RUNX2: variants seen among roughly 807,000 people sequenced by gnomAD.
The protein encoded by RUNX2 is RUNX family transcription factor 2.
RUNX2 carries 10 observed loss-of-function variants against 51.7 expected under a neutral mutation model. The observed-to-expected ratio is 0.19, with a 90% CI of 0.12 to 0.33. The LOEUF is 0.33. Among genes scored for constraint, RUNX2 ranks in the 10% least tolerant of loss-of-function variants. The probability of loss-of-function intolerance (pLI) is 1.00; values close to 1 mark genes in which losing one functional copy is unlikely to be tolerated. For synonymous variants in RUNX2, 276 were observed against 273.6 expected (o/e 1.01, Z -0.09); for missense variants, 562 against 691.3 (o/e 0.81, Z 2.10).
intron 5 of RUNX2, among the ~76,000 whole-genome samples, chr6:45,463,578 T>TACTTACATTATC (rs1554391641): frequency 2.6e-5 from 4 of 152,230 alleles, no homozygotes; most frequent in African/African-American, 9.6e-5. Context: ...GTAAGTATGA[T>TACTTACATTATC]AATGTAAAGC....
chr6:45,416,027 T>C (rs1798062976), intron 2 of RUNX2, among the ~76,000 whole-genome samples: 1 of 152,154 alleles, frequency 6.6e-6, no homozygotes, highest in South Asian at 2.1e-4. Flanking sequence ...TATGACTAGA[T>C]GGGAAGAAGA....
intron 7 of RUNX2, among the ~76,000 whole-genome samples, chr6:45,522,160 A>G (rs62400369): frequency 0.095 from 14,518 of 152,258 alleles, 952 homozygotes; most frequent in Non-Finnish European, 0.15. Flanking sequence ...AAGTCAGCTC[A>G]ACAAATATTT....
intron 2 of RUNX2, chr6:45,361,594 T>A (rs987280345): frequency 1.3e-5 from 2 of 152,138 alleles, no homozygotes; most frequent in African/African-American, 4.8e-5. Flanking sequence ...TTCAATAACC[T>A]AAAAATGAAA....
chr6:45,411,323 C>G (rs986545628), intron 2 of RUNX2, among the ~76,000 whole-genome samples: 2 of 152,234 alleles, frequency 1.3e-5, no homozygotes, highest in East Asian at 3.9e-4. Flanking sequence ...GAGTCTCCCC[C>G]CTTTTATTCA....
Position 45,485,695 on chromosome 6 carries a change from G to GTATATATATATATA in RUNX2, c.686-6245_686-6244insATATATATATATAT, listed in dbSNP as rs1389655363. 5.4e-4 allele frequency among the ~76,000 whole-genome samples: 58 copies of GTATATATATATATA among 107,154 alleles called. 1 individual carries two copies. The highest frequency in any genetic ancestry group is 8.9e-4 in the Admixed American group (9 of 10,112). The allele number at this position is 107,154 out of a possible 152,430, so 70.3% of individuals were successfully genotyped here. On this transcript the variant is annotated intron_variant, in intron 5 of 8. Transcript: ENST00000647337. Reference sequence around the variant, plus strand: ...TGTATGTGTGTGTGTGTGTGTGTGTGTGTATATATATATATATATATACAC... The same window carrying GTATATATATATATA: ...TGTATGTGTGTGTGTGTGTGTGTGTGTATATATATATATATGTATATATATATATATATATACAC...
In RUNX2 at chr6:45,432,311, A is replaced by G. The variant is rs564794066; in HGVS notation, c.580+292A>G. ...AGAACAGTTGGAGGATCAACTTCTG[A>G]ATTATGAGGAGTCAAATAACTGAGT... On this transcript the variant is annotated intron_variant, in intron 4 of 8. Coordinates refer to ENST00000647337, the MANE Select transcript of RUNX2 (RefSeq NM_001024630.4). Among the ~76,000 whole-genome samples the G allele has an allele frequency of 4.1e-4, 63 of 152,316 alleles. 1 individual carries two copies. The highest frequency in any genetic ancestry group is 3.5e-3 in the South Asian group (17 of 4,828).
intron 2 of RUNX2, among the ~76,000 whole-genome samples, chr6:45,384,655 A>G (rs1797311485): frequency 6.7e-6 from 1 of 149,848 alleles, no homozygotes; most frequent in Admixed American, 6.6e-5. Context: ...TGTGTTAGAC[A>G]TAGTACTATT....
At chr6:45,468,892 G>A (rs1180261176) in intron 5 of RUNX2, among the ~76,000 whole-genome samples, 1 of 152,188 alleles carries the variant, frequency 6.6e-6, no homozygotes, top group Non-Finnish European at 1.5e-5. Flanking sequence ...CAAGGAGTTT[G>A]TACTACCTGA....
chr6:45,503,471 C>T (rs1213213037), intron 6 of RUNX2, among the ~76,000 whole-genome samples: 2 of 152,186 alleles, frequency 1.3e-5, no homozygotes, highest in Non-Finnish European at 1.5e-5. Flanking sequence ...TATCTGATTT[C>T]CTGGATGTTG....
chr6:45,464,088 G>A (rs1470647193), intron 5 of RUNX2, among the ~76,000 whole-genome samples: 1 of 152,116 alleles, frequency 6.6e-6, no homozygotes, highest in African/African-American at 2.4e-5. Context: ...AGCTACTCAG[G>A]AGGCTGAGGC....
chr6:45,424,760 A>C (rs896849996), intron 3 of RUNX2, among the ~76,000 whole-genome samples: 72 of 152,234 alleles, frequency 4.7e-4, no homozygotes, highest in Non-Finnish European at 1.5e-4. Context: ...ATCAGAATGA[A>C]TTGTTATGGA....
At chr6:45,340,991 ACTT>A (rs1789661441) in intron 2 of RUNX2, among the ~76,000 whole-genome samples, 1 of 152,178 alleles carries the variant, frequency 6.6e-6, no homozygotes, top group Admixed American at 6.5e-5. Flanking sequence ...CTAAGCTTTA[ACTT>A]CTAATTATAA....
chr6:45,426,189 G>A (rs1328461879), intron 3 of RUNX2, among the ~76,000 whole-genome samples: 1 of 152,070 alleles, frequency 6.6e-6, no homozygotes, highest in Admixed American at 6.5e-5. Flanking sequence ...TTTATATAAA[G>A]TTGTTTATTA....
At chr6:45,524,157 G>T (rs770786626) in intron 7 of RUNX2, among the ~76,000 whole-genome samples, 3 of 152,122 alleles carry the variant, frequency 2.0e-5, no homozygotes, top group Non-Finnish European at 4.4e-5. Context: ...CTGGAACTGG[G>T]TCAGAATTTA....
chr6:45,398,093 C>T (rs1797620488), intron 2 of RUNX2, among the ~76,000 whole-genome samples: 1 of 152,156 alleles, frequency 6.6e-6, no homozygotes, highest in Non-Finnish European at 1.5e-5. Flanking sequence ...CTCTGGGACA[C>T]ATGGACATAG....
chr6:45,462,504 C>A (rs1460489708), intron 5 of RUNX2, among the ~76,000 whole-genome samples: 2 of 152,146 alleles, frequency 1.3e-5, no homozygotes, highest in Non-Finnish European at 2.9e-5. Flanking sequence ...GAAAACAAAC[C>A]TTAAGCATGA....
chr6:45,329,565 C>T (rs1185339449), intron 2 of RUNX2, among the ~76,000 whole-genome samples: 3 of 151,912 alleles, frequency 2.0e-5, no homozygotes, highest in Non-Finnish European at 4.4e-5. Flanking sequence ...CACTGAAACA[C>T]TGAAACGTCT....
chr6:45,422,936 G>A lies in RUNX2; in HGVS notation c.402G>A (p.Lys134=). 2.5e-6 allele frequency: 4 copies of A among 1,611,800 alleles called. No homozygotes were observed. Among genetic ancestry groups the A allele is most frequent in the Non-Finnish European group, 1.7e-6 (2 of 1,179,572 alleles). ...TGCCCTCGCACTGGCGCTGCAACAA[G>A]ACCCTGCCCGTGGCCTTCAAGGTAA... ...SVLPSHWRCN[K]TLPVAFKVVA... The change falls in exon 3 of 9, where the codon AAG becomes AAA. Residue 134 remains lysine (K), a synonymous_variant. Transcript: ENST00000647337.
chr6:45,408,308 A>C (rs1171313850), intron 2 of RUNX2, among the ~76,000 whole-genome samples: 1 of 152,078 alleles, frequency 6.6e-6, no homozygotes, highest in Non-Finnish European at 1.5e-5. Flanking sequence ...AAGTAGGAAA[A>C]GGGAAATATG....
Sources: gnomAD v4.1 joint callset for allele counts (sites outside exome capture counted in the v4.1 genomes callset) on GRCh38, gnomAD v4.1.1 for gene constraint, MANE v1.5 for transcripts, NCBI Gene and HGNC (gene_info 2026-07-23, HGNC 2026-07-21) for gene names.